The following MNDA variants were observed in gnomAD, a reference collection of about 807,000 sequenced individuals.
MNDA encodes myeloid cell nuclear differentiation antigen.
MNDA carries 43 observed loss-of-function variants against 37.8 expected under a neutral mutation model. That is an observed-to-expected ratio of 1.14 (90% CI 0.89 to 1.47). The LOEUF is 1.47. Among genes scored for constraint, MNDA ranks in the 40% most tolerant of loss-of-function variants. The pLI is 0.00. For missense variants in MNDA, 536 were observed against 476.0 expected (o/e 1.13, Z -1.17); for synonymous variants, 181 against 169.0 (o/e 1.07, Z -0.55).
rs564805681 is a variant in MNDA at position 158,842,171 on chromosome 1, G to A, written c.18G>A (p.Lys6=). The change falls in exon 2 of 7, where the codon AAG becomes AAA. Residue 6 remains lysine (K), a synonymous_variant. Transcript: ENST00000368141. MVNEY[K]KILLLKGFEL... is the part of the protein sequence containing the mutation. Reference sequence around the variant, plus strand: ...CATCAGAAATGGTGAATGAATACAAGAAAATTCTTTTGCTGAAAGGATTTG... The same window carrying A: ...CATCAGAAATGGTGAATGAATACAAAAAAATTCTTTTGCTGAAAGGATTTG... The A allele has an allele frequency of 5.6e-6, 9 of 1,610,844 alleles. No homozygotes were observed. The East Asian group carries it at 8.9e-5, about 16-fold the overall frequency.
At chr1:158,846,956 T>C (rs753687610) in intron 5 of MNDA, among the ~76,000 whole-genome samples, 4 of 152,164 alleles carry the variant, frequency 2.6e-5, no homozygotes, top group Non-Finnish European at 5.9e-5. Flanking sequence ...GACAAGATAT[T>C]GGAAAAGAAT....
intron 4 of MNDA, among the ~76,000 whole-genome samples, chr1:158,844,647 C>T (rs2102051140): frequency 6.6e-6 from 1 of 151,854 alleles, no homozygotes; most frequent in Non-Finnish European, 1.5e-5. Context: ...TACATGCTAG[C>T]CAGGCCAAGT....
At position 158,849,501 on chromosome 1, in the gene MNDA, G is replaced by T; in HGVS notation, c.*264G>T. 2.6e-6 allele frequency: 1 copy of T among 391,120 alleles called. No individual in the cohort carries two copies. The highest frequency in any genetic ancestry group is 2.9e-5 in the South Asian group (1 of 34,742). 24.2% of individuals were successfully genotyped at this position (391,120 alleles called of 1,614,324 possible). A position where few individuals can be genotyped will look rare whatever the true frequency, so the allele number is the denominator to read the frequency against. On this transcript the variant is annotated 3_prime_UTR_variant, in exon 7 of 7. Coordinates refer to ENST00000368141, the MANE Select transcript of MNDA (RefSeq NM_002432.3). ...AAAAATAAAATATCTTTTTTTGAAGGACATTATTTTCCCAAAGTCTTGTCT... is the reference window on the plus strand; with the variant it reads ...AAAAATAAAATATCTTTTTTTGAAGTACATTATTTTCCCAAAGTCTTGTCT...
At chr1:158,843,106 C>T (rs1252382221) in intron 2 of MNDA, among the ~76,000 whole-genome samples, 173 bp from the exon 3 acceptor site, 1 of 152,166 alleles carries the variant, frequency 6.6e-6, no homozygotes, top group Non-Finnish European at 1.5e-5. Context: ...CTATGCCTAC[C>T]ATGCTGCTGT....
rs571675663 is a variant in MNDA at position 158,837,528 on chromosome 1, CTCT to C, written c.-20-4604_-20-4602del. Among the ~76,000 whole-genome samples, 25 of 151,812 alleles carry C rather than the reference CTCT, an allele frequency of 1.6e-4. No homozygotes were observed. The East Asian group carries it at 4.8e-3, about 29-fold the overall frequency. Reference sequence around the variant, plus strand: ...TGATCCTAGTATAGCAAACTCTGCTCTCTTATTTAATATTTCAATGGAATATCT... The same window carrying C: ...TGATCCTAGTATAGCAAACTCTGCTCTATTTAATATTTCAATGGAATATCT... On this transcript the variant is annotated intron_variant, in intron 1 of 6. Coordinates refer to ENST00000368141, the MANE Select transcript of MNDA (RefSeq NM_002432.3).
intron 1 of MNDA, among the ~76,000 whole-genome samples, chr1:158,840,136 T>C (rs998553942): frequency 5.9e-5 from 9 of 152,266 alleles, no homozygotes; most frequent in East Asian, 1.9e-4. Flanking sequence ...AGAGGTAATA[T>C]CAACATCCTA....
At chr1:158,836,471 A>G (rs950569875) in intron 1 of MNDA, among the ~76,000 whole-genome samples, 1 of 151,980 alleles carries the variant, frequency 6.6e-6, no homozygotes, top group Non-Finnish European at 1.5e-5. Flanking sequence ...TATGTTTCTA[A>G]TAATTTATCC....
chr1:158,843,589 T>C (rs1659072665), intron 3 of MNDA, among the ~76,000 whole-genome samples, 174 bp downstream of exon 3: 2 of 152,330 alleles, frequency 1.3e-5, no homozygotes, highest in South Asian at 4.1e-4. Context: ...AAAATTTCTG[T>C]GACATAAATA....
chr1:158,831,646 A>C (rs1234832376), intron 1 of MNDA, 89 bp downstream of exon 1: 2 of 152,196 alleles, frequency 1.3e-5, no homozygotes, highest in Admixed American at 6.5e-5. Flanking sequence ...GCCTGAGACC[A>C]GAAGTGTTGT....
Position 158,843,278 on chromosome 1 carries a change from G to C in MNDA, c.266-1G>C, listed in dbSNP as rs1353378774. 3 of 1,605,958 alleles carry C rather than the reference G, an allele frequency of 1.9e-6. No individual in the cohort carries two copies. The highest frequency in any genetic ancestry group is 2.5e-6 in the Non-Finnish European group (3 of 1,177,098). ...GTGCCCTTTTTCTTTTCTTTTGTCA[G>C]TTGCTAAGAAAATTAAAACACAAGA... On this transcript the variant is annotated splice_acceptor_variant, in intron 2 of 6. Coordinates refer to ENST00000368141, the MANE Select transcript of MNDA (RefSeq NM_002432.3). LOFTEE classifies it high-confidence loss of function.
At chr1:158,831,945 C>T (rs144459869) in intron 1 of MNDA, among the ~76,000 whole-genome samples, 203 of 152,024 alleles carry the variant, frequency 1.3e-3, no homozygotes, top group African/African-American at 4.8e-3. Flanking sequence ...AAAAAATAAA[C>T]CAGGATATAA....
chr1:158,847,959 AT>A, intron 6 of MNDA, 43 bp downstream of exon 6: 1 of 1,576,074 alleles, frequency 6.3e-7, no homozygotes. Flanking sequence ...AAAGAGGCAA[AT>A]AATTTTGCTT....
chr1:158,844,780 GATGTTTGAGGC>G (rs375418326), intron 4 of MNDA, among the ~76,000 whole-genome samples: 24,493 of 151,960 alleles, frequency 0.16, 2,301 homozygotes, highest in Admixed American at 0.26. Context: ...AACATCTAAT[GATGTTTGAGGC>G]TTCTGGTGGG....
chr1:158,836,961 A>G (rs1002647221), intron 1 of MNDA, among the ~76,000 whole-genome samples: 7 of 151,662 alleles, frequency 4.6e-5, no homozygotes, highest in Non-Finnish European at 5.9e-5. Context: ...TTCTTTGTAC[A>G]TGTTTCATTG....
intron 1 of MNDA, among the ~76,000 whole-genome samples, chr1:158,840,679 A>G (rs1659014593): frequency 6.6e-6 from 1 of 152,184 alleles, no homozygotes; most frequent in Admixed American, 6.5e-5. Flanking sequence ...ATTATGGATC[A>G]GTACTATGTA....
In MNDA at chr1:158,847,847, C is replaced by T; in HGVS notation, c.1107C>T (p.Leu369=). The T allele has an allele frequency of 6.8e-6, 11 of 1,614,056 alleles. No individual in the cohort carries two copies. Among genetic ancestry groups the T allele is most frequent in the Non-Finnish European group, 8.5e-6 (10 of 1,179,926 alleles). ...GTGAGAAAGGAGATAAACTTCGACT[C>T]TTCTGCCTTCAACTGAGAACAGTTG... ...IKCEKGDKLR[L]FCLQLRTVDR... Residue 369 remains leucine, a synonymous_variant, in exon 6 of 7, where the codon CTC becomes CTT. Transcript: ENST00000368141.
chr1:158,833,762 C>A (rs76758813), intron 1 of MNDA, among the ~76,000 whole-genome samples: 15 of 152,116 alleles, frequency 9.9e-5, no homozygotes, highest in Non-Finnish European at 2.1e-4. Context: ...TTGAAGGACA[C>A]TTGTAATACT....
chr1:158,834,359 T>C (rs1571650346), intron 1 of MNDA, among the ~76,000 whole-genome samples: 2 of 151,072 alleles, frequency 1.3e-5, no homozygotes, highest in African/African-American at 2.4e-5. Flanking sequence ...CAGCCTCCCA[T>C]GTAGCTGGGA....
intron 1 of MNDA, among the ~76,000 whole-genome samples, chr1:158,837,417 T>C (rs1363777743): frequency 6.6e-6 from 1 of 151,860 alleles, no homozygotes; most frequent in African/African-American, 2.4e-5. Context: ...CTAATTGTCA[T>C]ATCTTCTAGG....
Sources: gnomAD v4.1 joint callset for allele counts (sites outside exome capture counted in the v4.1 genomes callset) on GRCh38, gnomAD v4.1.1 for gene constraint, MANE v1.5 for transcripts, NCBI Gene and HGNC (gene_info 2026-07-23, HGNC 2026-07-21) for gene names.